TNR: variants seen among roughly 807,000 people sequenced by gnomAD.
The protein encoded by TNR is tenascin-R.
Under a neutral mutation model 150.4 loss-of-function variants are expected in TNR, and 45 were observed. That is an observed-to-expected ratio of 0.30 (90% CI 0.24 to 0.38). TNR has a LOEUF of 0.38. Ranked by LOEUF, TNR falls within the 10% of genes least tolerant of loss-of-function variation. The pLI is 1.00. For synonymous variants in TNR, 687 were observed against 678.4 expected (o/e 1.01, Z -0.20); for missense variants, 1,544 against 1,759.1 (o/e 0.88, Z 2.19).
chr1:175,562,188 T>C (rs541275587), intron 1 of TNR, among the ~76,000 whole-genome samples: 79 of 152,362 alleles, frequency 5.2e-4, no homozygotes, highest in Non-Finnish European at 8.5e-4. Context: ...TATTGTTATA[T>C]TTATTTTCTC....
chr1:175,474,174 C>T (rs1272967758), intron 2 of TNR, among the ~76,000 whole-genome samples: 1 of 152,076 alleles, frequency 6.6e-6, no homozygotes, highest in Non-Finnish European at 1.5e-5. Flanking sequence ...GGAGAAGACA[C>T]CAGTTATGGG....
chr1:175,595,724 T>C (rs6690188), intron 1 of TNR, among the ~76,000 whole-genome samples: 26,930 of 152,094 alleles, frequency 0.18, 3,818 homozygotes, highest in African/African-American at 0.39. Context: ...ACAGAAAGGG[T>C]ATTAGATTCG....
chr1:175,420,252 C>T (rs550014040), intron 2 of TNR, among the ~76,000 whole-genome samples: 1 of 152,278 alleles, frequency 6.6e-6, no homozygotes, highest in South Asian at 2.1e-4. Flanking sequence ...CCTGCAGGTA[C>T]CCACAGGAAT....
chr1:175,622,416 G>A (rs1664007752), intron 1 of TNR, among the ~76,000 whole-genome samples: 1 of 152,144 alleles, frequency 6.6e-6, no homozygotes, highest in Non-Finnish European at 1.5e-5. Flanking sequence ...TGGCCACATT[G>A]CTTTTCATTC....
chr1:175,684,093 C>A (rs535612478), intron 1 of TNR, among the ~76,000 whole-genome samples: 1 of 152,162 alleles, frequency 6.6e-6, no homozygotes, highest in Non-Finnish European at 1.5e-5. Flanking sequence ...CCTTGTGGAA[C>A]CTCTGTGCTG....
At chr1:175,512,931 T>C (rs1659249203) in intron 2 of TNR, among the ~76,000 whole-genome samples, 1 of 152,228 alleles carries the variant, frequency 6.6e-6, no homozygotes, top group African/African-American at 2.4e-5. Context: ...GGTTTAGGTA[T>C]AGTCCAGCCT....
chr1:175,365,339 G>A, intron 11 of TNR, 60 bp from the exon 12 acceptor site: 1 of 1,524,716 alleles, frequency 6.6e-7, no homozygotes, highest in Non-Finnish European at 8.8e-7. Flanking sequence ...CACTGGGCTA[G>A]AAGAACTTCT....
chr1:175,665,300 T>C (rs989685839), intron 1 of TNR, among the ~76,000 whole-genome samples: 4 of 152,328 alleles, frequency 2.6e-5, no homozygotes, highest in South Asian at 4.1e-4. Context: ...CCCAAACCCA[T>C]GCTCTCTGTG....
intron 16 of TNR, among the ~76,000 whole-genome samples, 169 bp downstream of exon 16, chr1:175,356,150 A>C (rs1439110440): frequency 6.6e-6 from 1 of 152,044 alleles, no homozygotes; most frequent in Non-Finnish European, 1.5e-5. Context: ...TGCTGGCCAA[A>C]AGTTGCAGCT....
At chr1:175,679,503 G>T (rs1665967152) in intron 1 of TNR, among the ~76,000 whole-genome samples, 1 of 152,236 alleles carries the variant, frequency 6.6e-6, no homozygotes, top group African/African-American at 2.4e-5. Context: ...TACGCAAAAT[G>T]TCTAGTATGT....
chr1:175,407,494 C>T (rs1299758462), intron 2 of TNR, among the ~76,000 whole-genome samples: 1 of 152,120 alleles, frequency 6.6e-6, no homozygotes, highest in African/African-American at 2.4e-5. Flanking sequence ...TACCTAGTCA[C>T]CAAGAACCAT....
At chr1:175,431,911 A>ATCTCTCTCTCTCTCTCTCTCCTTCTC (rs1553221255) in intron 2 of TNR, among the ~76,000 whole-genome samples, 19,844 of 136,218 alleles carry the variant, frequency 0.15, 1,716 homozygotes, top group East Asian at 0.26. Flanking sequence ...GGACCATAAT[A>ATCTCTCTCTCTCTCTCTCTCCTTCTC]TCTCTCTCTC....
At chr1:175,352,404 A>G (rs1184432584) in intron 18 of TNR, among the ~76,000 whole-genome samples, 1 of 152,220 alleles carries the variant, frequency 6.6e-6, no homozygotes, top group Non-Finnish European at 1.5e-5. Flanking sequence ...AGTGTCTGTC[A>G]TCTGTGTCCT....
chr1:175,721,338 C>T (rs1667293157), intron 1 of TNR, among the ~76,000 whole-genome samples: 1 of 152,144 alleles, frequency 6.6e-6, no homozygotes, highest in South Asian at 2.1e-4. Context: ...AGTGTAAGCT[C>T]TTTGAGAGAT....
intron 1 of TNR, among the ~76,000 whole-genome samples, chr1:175,676,217 G>C (rs1665861088): frequency 6.6e-6 from 1 of 152,166 alleles, no homozygotes; most frequent in South Asian, 2.1e-4. Context: ...TCAGCTACCA[G>C]TTGTCTGCAT....
chr1:175,577,126 A>G (rs769658797), intron 1 of TNR, among the ~76,000 whole-genome samples: 1 of 152,134 alleles, frequency 6.6e-6, no homozygotes, highest in Non-Finnish European at 1.5e-5. Flanking sequence ...CGGGGTAAGC[A>G]TATATAGGGT....
Position 175,681,273 on chromosome 1 carries a change from G to C in TNR, c.-165+61953C>G, listed in dbSNP as rs189334882. Among the ~76,000 whole-genome samples the C allele has an allele frequency of 9.3e-3, 1,409 of 152,260 alleles. 19 individuals are homozygous for C. The highest frequency in any genetic ancestry group is 0.017 in the South Asian group (84 of 4,824). On this transcript the variant is annotated intron_variant, in intron 1 of 22. Transcript: ENST00000367674. ...TGCAGGAGGCCACGTGAGGAAGCCC[G>C]AGCCCAGAAAGAGAAGGAGAAAGGA... is the stretch of plus-strand genomic sequence containing the variant.
chr1:175,646,894 G>C (rs900891954), intron 1 of TNR, among the ~76,000 whole-genome samples: 6 of 152,150 alleles, frequency 3.9e-5, no homozygotes, highest in Non-Finnish European at 7.3e-5. Context: ...TCACATTTTG[G>C]GATCCAATAC....
At position 175,320,333 on chromosome 1, in the gene TNR, T is replaced by G. The variant is rs1341604831; in HGVS notation, c.*3024A>C. On this transcript the variant is annotated 3_prime_UTR_variant, in exon 23 of 23. Transcript: ENST00000367674. ...GATGAGAGTGGGGCACAGTGTCTTT[T>G]AAACATGGTGAAAACTCATGAGAAA... The G allele has an allele frequency of 6.6e-6, 1 of 152,246 alleles. No homozygotes were observed. Among genetic ancestry groups the G allele is most frequent in the Non-Finnish European group, 1.5e-5 (1 of 68,022 alleles). 9.4% of individuals were successfully genotyped at this position (152,246 alleles called of 1,614,324 possible).
Sources: gnomAD v4.1 joint callset for allele counts (sites outside exome capture counted in the v4.1 genomes callset) on GRCh38, gnomAD v4.1.1 for gene constraint, MANE v1.5 for transcripts, NCBI Gene and HGNC (gene_info 2026-07-23, HGNC 2026-07-21) for gene names.